RYR2: variants seen among roughly 807,000 people sequenced by gnomAD.
The protein encoded by RYR2 is cardiac muscle ryanodine receptor-calcium release channel.
In RYR2, 227 loss-of-function variants were observed where a neutral mutation model predicts 601.1. The observed-to-expected ratio is 0.38, with a 90% CI of 0.34 to 0.42. RYR2 has a LOEUF of 0.42. Ranked by LOEUF, RYR2 falls within the 10% of genes least tolerant of loss-of-function variation. RYR2 has a pLI of 1.00. For synonymous variants in RYR2, 2,223 were observed against 2,175.1 expected, an observed-to-expected ratio of 1.02 and a Z score of -0.61; for missense variants, 4,646 against 6,156.5, an observed-to-expected ratio of 0.75 and a Z score of 8.21.
Position 237,140,197 on chromosome 1 carries a change from T to C in RYR2, c.48+97628T>C, listed in dbSNP as rs35660510. 3.3e-5 allele frequency among the ~76,000 whole-genome samples: 5 copies of C among 152,374 alleles called. No homozygotes were observed. The South Asian group carries it at 1.0e-3, about 32-fold the overall frequency. On this transcript the variant is annotated intron_variant, in intron 1 of 104. Transcript: ENST00000366574. ...CTTTTTTGGCTTTCATATTTTATTGTTTTATTTCATTTATAGCTACATTTG... is the reference window on the plus strand; with the variant it reads ...CTTTTTTGGCTTTCATATTTTATTGCTTTATTTCATTTATAGCTACATTTG...
rs1165461939 is a variant in RYR2, at chr1:237,185,068, G to A, written c.49-85429G>A. Among the ~76,000 whole-genome samples the A allele has an allele frequency of 1.3e-5, 2 of 151,912 alleles. 1 individual carries two copies. The highest frequency in any genetic ancestry group is 2.9e-5 in the Non-Finnish European group (2 of 67,970). On this transcript the variant is annotated intron_variant, in intron 1 of 104. Transcript: ENST00000366574. Reference sequence around the variant, plus strand: ...TTTTTGTAGAGGTAGGATCTACTGTGTTTCCCAGACTGGTCTTGAACTCCT... The same window carrying A: ...TTTTTGTAGAGGTAGGATCTACTGTATTTCCCAGACTGGTCTTGAACTCCT...
intron 68 of RYR2, among the ~76,000 whole-genome samples, chr1:237,707,473 A>G (rs1402015035): frequency 6.6e-6 from 1 of 152,170 alleles, no homozygotes; most frequent in East Asian, 1.9e-4. Context: ...TTAAGTAAAC[A>G]TTTTTCTGAC....
intron 1 of RYR2, among the ~76,000 whole-genome samples, chr1:237,059,702 T>C (rs911602005): frequency 1.3e-4 from 20 of 152,190 alleles, no homozygotes; most frequent in African/African-American, 4.1e-4. Flanking sequence ...TAATAAGTTT[T>C]CAAGCATTCA....
At position 237,082,599 on chromosome 1, in the gene RYR2, C is replaced by T. The variant is rs150538623; in HGVS notation, c.48+40030C>T. Among the ~76,000 whole-genome samples, 321 of 142,628 alleles carry T rather than the reference C, an allele frequency of 2.3e-3. 5 individuals carry two copies. Among genetic ancestry groups the T allele is most frequent in the South Asian group, 3.6e-3 (16 of 4,408 alleles). 93.6% of individuals were successfully genotyped at this position (142,628 alleles called of 152,430 possible). A position where few individuals can be genotyped will look rare whatever the true frequency, so the allele number is the denominator to read the frequency against. ...CAGAGAGTAAACTGCCTCTTATAGC[C>T]GCCCCTCCTGCAGTCTTCTGTTTCC... On this transcript the variant is annotated intron_variant, in intron 1 of 104. Coordinates refer to ENST00000366574, the MANE Select transcript of RYR2 (RefSeq NM_001035.3).
intron 101 of RYR2, among the ~76,000 whole-genome samples, chr1:237,823,936 G>A (rs943855236): frequency 3.3e-5 from 5 of 152,116 alleles, no homozygotes; most frequent in Non-Finnish European, 5.9e-5. Flanking sequence ...TAGAAGAAAT[G>A]GATAAACTCC....
intron 80 of RYR2, chr1:237,755,225 T>A (rs1692853170): frequency 1.8e-6 from 1 of 542,620 alleles, no homozygotes; most frequent in Non-Finnish European, 2.8e-6. Context: ...TTATTTTTCA[T>A]ATTCTGTAAC....
At chr1:237,061,710 C>A (rs913337809) in intron 1 of RYR2, among the ~76,000 whole-genome samples, 5 of 152,054 alleles carry the variant, frequency 3.3e-5, no homozygotes, top group Non-Finnish European at 7.4e-5. Context: ...TCTTGCTTTT[C>A]CCCCCTCTGT....
intron 1 of RYR2, among the ~76,000 whole-genome samples, chr1:237,249,028 G>C (rs1165230142): frequency 6.6e-6 from 1 of 152,116 alleles, no homozygotes; most frequent in African/African-American, 2.4e-5. Context: ...GCCTCCCAAA[G>C]TGCTGGGATT....
chr1:237,606,299 C>G (rs967554363), intron 35 of RYR2, among the ~76,000 whole-genome samples: 59 of 152,182 alleles, frequency 3.9e-4, no homozygotes, highest in Admixed American at 3.3e-4. Context: ...ACAAACCTGA[C>G]AAAAACAAGA....
At chr1:237,195,523 G>T (rs1041095955) in intron 1 of RYR2, among the ~76,000 whole-genome samples, 2 of 152,218 alleles carry the variant, frequency 1.3e-5, no homozygotes, top group Non-Finnish European at 2.9e-5. Flanking sequence ...AAAGTGCTGG[G>T]ATTACAGGTG....
chr1:237,476,622 G>A (rs1043366491), intron 17 of RYR2, among the ~76,000 whole-genome samples: 10 of 150,646 alleles, frequency 6.6e-5, no homozygotes, highest in East Asian at 2.0e-4. Context: ...TAAATAGGAT[G>A]GTTTAAGGCT....
chr1:237,111,844 G>A (rs1033432108), intron 1 of RYR2, among the ~76,000 whole-genome samples: 1 of 152,104 alleles, frequency 6.6e-6, no homozygotes, highest in Non-Finnish European at 1.5e-5. Context: ...GAGGACCTCT[G>A]GCAAGTTGGA....
intron 25 of RYR2, among the ~76,000 whole-genome samples, chr1:237,547,377 C>T (rs1379590841): frequency 6.6e-6 from 1 of 152,022 alleles, no homozygotes; most frequent in Non-Finnish European, 1.5e-5. Flanking sequence ...GCATAATTAC[C>T]TAGTGAACGT....
At chr1:237,300,677 A>G (rs1572523090) in intron 2 of RYR2, among the ~76,000 whole-genome samples, 1 of 152,128 alleles carries the variant, frequency 6.6e-6, no homozygotes, top group South Asian at 2.1e-4. Context: ...CATCTTCCTG[A>G]TGACACCCCT....
intron 27 of RYR2, among the ~76,000 whole-genome samples, chr1:237,552,498 C>T (rs1230345212): frequency 6.6e-6 from 1 of 152,060 alleles, no homozygotes; most frequent in Non-Finnish European, 1.5e-5. Flanking sequence ...ACCGAAAACA[C>T]CTCCAATATT....
intron 74 of RYR2, among the ~76,000 whole-genome samples, chr1:237,725,438 T>C (rs1048567340): frequency 4.6e-5 from 7 of 151,960 alleles, no homozygotes; most frequent in African/African-American, 1.7e-4. Context: ...TAAAAAACAG[T>C]AGGTGGACAG....
At chr1:237,516,199 C>T (rs1666529175) in intron 24 of RYR2, among the ~76,000 whole-genome samples, 2 of 152,170 alleles carry the variant, frequency 1.3e-5, no homozygotes, top group Admixed American at 6.6e-5. Context: ...CAACCTCTGC[C>T]TCCCAGATTC....
intron 39 of RYR2, among the ~76,000 whole-genome samples, chr1:237,625,239 A>G (rs1024877108): frequency 7.2e-5 from 11 of 152,088 alleles, no homozygotes; most frequent in African/African-American, 2.4e-4. Context: ...ACTAACCAAA[A>G]TACTGCTAAA....
At chr1:237,763,157 G>T (rs1213171791) in intron 84 of RYR2, among the ~76,000 whole-genome samples, 1 of 152,146 alleles carries the variant, frequency 6.6e-6, no homozygotes, top group Non-Finnish European at 1.5e-5. Flanking sequence ...ATATGAAGGG[G>T]CAACAAGCAT....
Sources: allele counts gnomAD v4.1 joint callset (sites outside exome capture counted in the v4.1 genomes callset), GRCh38; gene constraint gnomAD v4.1.1; transcripts MANE v1.5; gene names NCBI Gene and HGNC (gene_info 2026-07-23, HGNC 2026-07-21).